HIVEP2: variants seen among roughly 807,000 people sequenced by gnomAD.
HIVEP2 encodes the protein transcription factor HIVEP2.
HIVEP2 carries 14 observed loss-of-function variants against 180.7 expected under a neutral mutation model. That is an observed-to-expected ratio of 0.08 (90% confidence interval 0.05 to 0.12). HIVEP2 has a LOEUF of 0.12. Among genes scored for constraint, HIVEP2 ranks in the 10% least tolerant of loss-of-function variants. The pLI, the probability that HIVEP2 is intolerant of heterozygous loss-of-function variation, is 1.00. For synonymous variants in HIVEP2, 1,184 were observed against 1,136.4 expected (o/e 1.04, Z -0.84); for missense variants, 2,579 against 3,008.5 (o/e 0.86, Z 3.34).
At chr6:142,863,054 T>C (rs1277759258) in intron 1 of HIVEP2, among the ~76,000 whole-genome samples, 1 of 142,610 alleles carries the variant, frequency 7.0e-6, no homozygotes, top group Non-Finnish European at 1.5e-5. Flanking sequence ...ATATATTATA[T>C]ATTATGTAAT....
chr6:142,752,948 T>A lies in HIVEP2; in HGVS notation c.*159A>T, dbSNP rs1263512101. On this transcript the variant is annotated 3_prime_UTR_variant, in exon 10 of 10. Coordinates refer to ENST00000367603, the MANE Select transcript of HIVEP2 (RefSeq NM_006734.4). ...TTTTGGTCAGGCTCATGATGACTTGTTAATTTACCTAATTCTTTTGATATA... is the reference window on the plus strand; with the variant it reads ...TTTTGGTCAGGCTCATGATGACTTGATAATTTACCTAATTCTTTTGATATA... The A allele has an allele frequency of 1.7e-6, 1 of 599,278 alleles. No homozygotes were observed. Among genetic ancestry groups the A allele is most frequent in the South Asian group, 2.1e-5 (1 of 47,384 alleles). The allele number at this position is 599,278 out of a possible 1,614,324, so 37.1% of individuals were successfully genotyped here.
At chr6:142,921,600 T>C (rs186071907) in intron 1 of HIVEP2, among the ~76,000 whole-genome samples, 2 of 152,322 alleles carry the variant, frequency 1.3e-5, no homozygotes, top group East Asian at 3.9e-4. Context: ...TTTTTTTAAT[T>C]ATCATTATGA....
intron 1 of HIVEP2, among the ~76,000 whole-genome samples, chr6:142,880,065 T>C (rs1776544431): frequency 6.6e-6 from 1 of 152,084 alleles, no homozygotes; most frequent in African/African-American, 2.4e-5. Context: ...CCTATAATGG[T>C]GCTTTTCTTG....
At chr6:142,825,909 C>T (rs1774883655) in intron 2 of HIVEP2, among the ~76,000 whole-genome samples, 1 of 151,494 alleles carries the variant, frequency 6.6e-6, no homozygotes, top group South Asian at 2.1e-4. Context: ...AACATATGCA[C>T]ATAAAAAGGG....
chr6:142,828,197 A>G (rs903248203), intron 2 of HIVEP2, among the ~76,000 whole-genome samples: 3 of 152,326 alleles, frequency 2.0e-5, no homozygotes, highest in Non-Finnish European at 4.4e-5. Flanking sequence ...TACTCTTGTC[A>G]GCGAGCTCCT....
At chr6:142,769,351 T>C (rs947933717) in intron 5 of HIVEP2, among the ~76,000 whole-genome samples, 1 of 152,210 alleles carries the variant, frequency 6.6e-6, no homozygotes, top group Non-Finnish European at 1.5e-5. Flanking sequence ...CTTCTGAAAA[T>C]GGACCATGCC....
At chr6:142,789,113 A>G (rs1776076308) in intron 2 of HIVEP2, among the ~76,000 whole-genome samples, 1 of 152,208 alleles carries the variant, frequency 6.6e-6, no homozygotes, top group Admixed American at 6.5e-5. Flanking sequence ...TAGTTAATAC[A>G]ATCTTATGGT....
chr6:142,808,216 G>A (rs1776600261), intron 2 of HIVEP2, among the ~76,000 whole-genome samples: 1 of 152,166 alleles, frequency 6.6e-6, no homozygotes, highest in African/African-American at 2.4e-5. Context: ...TCTGTATCAT[G>A]ATCTATTAAA....
intron 2 of HIVEP2, among the ~76,000 whole-genome samples, chr6:142,802,426 G>A (rs9496467): frequency 0.029 from 4,359 of 152,098 alleles, 194 homozygotes; most frequent in African/African-American, 0.1. Flanking sequence ...TAAACAGCCA[G>A]CCAGTCTCTG....
rs146622242 is a variant in HIVEP2, at chr6:142,864,895, G to A, written c.-640-27848C>T. ...ATTACAAACTGCAAAGACCTCCCAA[G>A]GGGCTGAAACACCTATCCAAGTCAT... On this transcript the variant is annotated intron_variant, in intron 1 of 9. Transcript: ENST00000367603. Among the ~76,000 whole-genome samples, 291 of 152,256 alleles carry A rather than the reference G, an allele frequency of 1.9e-3. 1 individual carries two copies. Among genetic ancestry groups the A allele is most frequent in the Admixed American group, 3.4e-3 (52 of 15,282 alleles).
chr6:142,882,131 T>TA, intron 1 of HIVEP2, among the ~76,000 whole-genome samples: 1 of 152,326 alleles, frequency 6.6e-6, no homozygotes, highest in African/African-American at 2.4e-5. Context: ...AGCTTATCCT[T>TA]AAGCCACTGT....
At chr6:142,818,681 A>C (rs541073981) in intron 2 of HIVEP2, among the ~76,000 whole-genome samples, 1,650 of 128,644 alleles carry the variant, frequency 0.013, 75 homozygotes, top group African/African-American at 0.047. Context: ...AAAAAAAGAA[A>C]GAGAGAGAGA....
chr6:142,936,630 CA>C (rs1352430412), intron 1 of HIVEP2, among the ~76,000 whole-genome samples: 1 of 152,068 alleles, frequency 6.6e-6, no homozygotes, highest in African/African-American at 2.4e-5. Context: ...TACACACATA[CA>C]CATATATATA....
Position 142,936,117 on chromosome 6 carries a change from G to GA in HIVEP2, c.-641+8981dup, listed in dbSNP as rs201849454. 8.5e-3 allele frequency among the ~76,000 whole-genome samples: 1,258 copies of GA among 148,042 alleles called. 36 individuals carry two copies. The highest frequency in any genetic ancestry group is 0.047 in the Admixed American group (702 of 15,004). On this transcript the variant is annotated intron_variant, in intron 1 of 9. Coordinates refer to ENST00000367603, the MANE Select transcript of HIVEP2 (RefSeq NM_006734.4). Reference sequence around the variant, plus strand: ...ACAGACCGAGAACTTGTCTCAAGAAGAAAAAAAAAGGATGTGTCATTTGTA... The same window carrying GA: ...ACAGACCGAGAACTTGTCTCAAGAAGAAAAAAAAAAGGATGTGTCATTTGTA...
intron 2 of HIVEP2, among the ~76,000 whole-genome samples, chr6:142,835,025 T>C (rs1352274685): frequency 2.0e-5 from 3 of 152,138 alleles, no homozygotes; most frequent in Non-Finnish European, 4.4e-5. Context: ...GTAAAGACCA[T>C]GTTGACAGGC....
At chr6:142,763,377 C>T (rs566266620) in intron 7 of HIVEP2, among the ~76,000 whole-genome samples, 4 of 152,118 alleles carry the variant, frequency 2.6e-5, no homozygotes, top group East Asian at 1.9e-4. Flanking sequence ...GCATTTCAGT[C>T]GGAGGTGAAA....
At chr6:142,852,610 T>C (rs1775713223) in intron 1 of HIVEP2, among the ~76,000 whole-genome samples, 1 of 152,208 alleles carries the variant, frequency 6.6e-6, no homozygotes, top group African/African-American at 2.4e-5. Context: ...ACCACAGATA[T>C]ACTTTATTTC....
intron 1 of HIVEP2, among the ~76,000 whole-genome samples, chr6:142,893,458 T>C (rs1200668857): frequency 6.6e-6 from 1 of 152,172 alleles, no homozygotes; most frequent in Non-Finnish European, 1.5e-5. Context: ...ATCAAGCAGG[T>C]ACTGTACAGA....
At chr6:142,872,298 A>T (rs1021561143) in intron 1 of HIVEP2, among the ~76,000 whole-genome samples, 4 of 152,204 alleles carry the variant, frequency 2.6e-5, no homozygotes, top group African/African-American at 9.6e-5. Flanking sequence ...CCTGAATAAC[A>T]TAAGGATGTC....
Sources: gnomAD v4.1 joint callset for allele counts (sites outside exome capture counted in the v4.1 genomes callset) on GRCh38, gnomAD v4.1.1 for gene constraint, MANE v1.5 for transcripts, NCBI Gene and HGNC (gene_info 2026-07-23, HGNC 2026-07-21) for gene names.